Variants in THSD7B observed in about 807,000 individuals in gnomAD.
THSD7B encodes thrombospondin type-1 domain-containing protein 7B.
A neutral mutation model predicts 213.6 loss-of-function variants in THSD7B; 138 were observed. The ratio of observed to expected loss-of-function variants is 0.65; its 90% CI spans 0.56 to 0.74. The LOEUF (loss-of-function observed/expected upper bound fraction) is 0.74. THSD7B is among the 30% of genes least tolerant of loss of function. The probability of loss-of-function intolerance (pLI) is 0.00; values close to 1 mark genes in which losing one functional copy is unlikely to be tolerated. For synonymous variants in THSD7B, 742 were observed against 687.0 expected, an observed-to-expected ratio of 1.08 and a Z score of -1.25; for missense variants, 1,931 against 1,991.5, an observed-to-expected ratio of 0.97 and a Z score of 0.58.
intron 6 of THSD7B, among the ~76,000 whole-genome samples, chr2:137,165,237 G>A (rs894693283): frequency 5.3e-5 from 8 of 152,170 alleles, no homozygotes; most frequent in African/African-American, 1.7e-4. Context: ...GGGATGGTAA[G>A]CCCTGATGAT....
chr2:136,769,841 T>C (rs1681473511), intron 1 of THSD7B, among the ~76,000 whole-genome samples: 1 of 152,176 alleles, frequency 6.6e-6, no homozygotes, highest in South Asian at 2.1e-4. Context: ...CCTGCATGAA[T>C]AAAAAAGGCT....
At chr2:137,199,948 G>A (rs1327634449) in intron 7 of THSD7B, among the ~76,000 whole-genome samples, 1 of 152,102 alleles carries the variant, frequency 6.6e-6, no homozygotes, top group Non-Finnish European at 1.5e-5. Flanking sequence ...TTCTAGAGAT[G>A]CAACTGAGAT....
chr2:136,771,566 C>T (rs1681505124), intron 1 of THSD7B, among the ~76,000 whole-genome samples: 1 of 152,156 alleles, frequency 6.6e-6, no homozygotes, highest in Admixed American at 6.5e-5. Context: ...GCTTTCCCTA[C>T]TCCTGTGGTC....
intron 17 of THSD7B, among the ~76,000 whole-genome samples, chr2:137,584,966 T>G (rs1281850847): frequency 6.6e-6 from 1 of 152,186 alleles, no homozygotes; most frequent in African/African-American, 2.4e-5. Flanking sequence ...CGTCTGGTCC[T>G]GGACTTTTTT....
At chr2:137,491,327 A>T (rs1688602078) in intron 15 of THSD7B, among the ~76,000 whole-genome samples, 1 of 152,228 alleles carries the variant, frequency 6.6e-6, no homozygotes, top group Non-Finnish European at 1.5e-5. Flanking sequence ...TTGTGAATTG[A>T]TCATGGAAAA....
chr2:136,820,740 A>G (rs1682552826), intron 1 of THSD7B, among the ~76,000 whole-genome samples: 1 of 152,242 alleles, frequency 6.6e-6, no homozygotes, highest in African/African-American at 2.4e-5. Flanking sequence ...TTTAATAATC[A>G]TACTATGATT....
intron 15 of THSD7B, among the ~76,000 whole-genome samples, chr2:137,521,273 T>TAAAAC (rs1414207740): frequency 6.6e-6 from 1 of 152,124 alleles, no homozygotes; most frequent in Admixed American, 6.6e-5. Flanking sequence ...TTCTTAAAAA[T>TAAAAC]AAAACAAAAC....
At chr2:137,145,741 T>C (rs1679684005) in intron 5 of THSD7B, among the ~76,000 whole-genome samples, 1 of 152,116 alleles carries the variant, frequency 6.6e-6, no homozygotes, top group Admixed American at 6.6e-5. Context: ...CTGTAGTTTT[T>C]CATATGTTAT....
intron 7 of THSD7B, among the ~76,000 whole-genome samples, chr2:137,229,564 C>A (rs1244431218): frequency 6.6e-6 from 1 of 152,184 alleles, no homozygotes; most frequent in African/African-American, 2.4e-5. Context: ...TAGCTGTGCA[C>A]TATCTTCTCC....
intron 12 of THSD7B, among the ~76,000 whole-genome samples, chr2:137,347,968 T>G (rs1213068374): frequency 6.7e-6 from 1 of 149,796 alleles, no homozygotes; most frequent in East Asian, 1.9e-4. Context: ...GGCCTCATTT[T>G]CAAAAAAAAA....
intron 3 of THSD7B, among the ~76,000 whole-genome samples, chr2:137,089,298 G>GTGTGTGTATATGTATATATACATATA (rs1687904068): frequency 2.0e-5 from 3 of 148,428 alleles, no homozygotes; most frequent in Admixed American, 1.3e-4. Flanking sequence ...ACATATATAT[G>GTGTGTGTATATGTATATATACATATA]TGTGTGTATA....
chr2:137,242,454 C>G lies in THSD7B; in HGVS notation c.2151-3C>G, dbSNP rs544013202. The G allele has an allele frequency of 7.4e-6, 12 of 1,611,136 alleles. 1 individual carries two copies. The Admixed American group carries it at 1.7e-4, about 22-fold the overall frequency. On this transcript the variant is annotated splice_polypyrimidine_tract_variant and splice_region_variant and intron_variant, in intron 9 of 27. Transcript: ENST00000409968. ...CATTGACATGGTCTTTTCACATTGA[C>G]AGATGTCCAGATTCTACTCGACCTG...
At chr2:136,894,521 A>G (rs947362477) in intron 2 of THSD7B, among the ~76,000 whole-genome samples, 20 of 152,184 alleles carry the variant, frequency 1.3e-4, no homozygotes, top group Non-Finnish European at 7.3e-5. Flanking sequence ...GAGAAGCATG[A>G]TATAAAACCT....
At chr2:136,854,767 C>T (rs1328904242) in intron 1 of THSD7B, among the ~76,000 whole-genome samples, 1 of 151,620 alleles carries the variant, frequency 6.6e-6, no homozygotes, top group Non-Finnish European at 1.5e-5. Context: ...TTTATGATGA[C>T]ATTTTGTGCT....
chr2:137,561,171 T>C lies in THSD7B; in HGVS notation c.3139-2050T>C, dbSNP rs75794682. ...CCAATAGCTTGACATTGCAGATAGC[T>C]ATCCTGCTGCAGGTGCAGACAACTG... is the stretch of plus-strand genomic sequence containing the variant. On this transcript the variant is annotated intron_variant, in intron 15 of 27. Transcript: ENST00000409968. Among the ~76,000 whole-genome samples, 232 of 152,298 alleles carry C rather than the reference T, an allele frequency of 1.5e-3. 1 individual carries two copies. Among genetic ancestry groups the C allele is most frequent in the Middle Eastern group, 6.8e-3 (2 of 294 alleles).
rs146097272 is a variant in THSD7B at position 137,247,124 on chromosome 2, T to A, written c.2266+4552T>A. Reference sequence around the variant, plus strand: ...GAGGTAGTGTTGGAATTAATTATGTTGGCCACTGCTGCCATCATTGTCATT... The same window carrying A: ...GAGGTAGTGTTGGAATTAATTATGTAGGCCACTGCTGCCATCATTGTCATT... On this transcript the variant is annotated intron_variant, in intron 10 of 27. Coordinates refer to ENST00000409968, the MANE Select transcript of THSD7B (RefSeq NM_001316349.2). 5.1e-3 allele frequency among the ~76,000 whole-genome samples: 773 copies of A among 152,310 alleles called. 34 individuals carry two copies. The highest frequency in any genetic ancestry group is 0.048 in the Admixed American group (734 of 15,284).
intron 7 of THSD7B, among the ~76,000 whole-genome samples, chr2:137,218,620 A>G (rs1681300242): frequency 6.6e-6 from 1 of 152,076 alleles, no homozygotes; most frequent in East Asian, 1.9e-4. Flanking sequence ...TACTACATTA[A>G]AGGAAATTAC....
intron 20 of THSD7B, among the ~76,000 whole-genome samples, chr2:137,632,391 A>G (rs968068175): frequency 5.3e-5 from 8 of 152,132 alleles, no homozygotes; most frequent in African/African-American, 1.9e-4. Context: ...ATAGCTGCCA[A>G]TCTTACAGAG....
At chr2:137,605,631 T>C (rs1208499879) in intron 17 of THSD7B, among the ~76,000 whole-genome samples, 2 of 137,146 alleles carry the variant, frequency 1.5e-5, no homozygotes, top group African/African-American at 5.3e-5. Flanking sequence ...TAAAAAAGCA[T>C]ATATTGGCAC....
Sources: gnomAD v4.1 joint callset for allele counts (sites outside exome capture counted in the v4.1 genomes callset) on GRCh38, gnomAD v4.1.1 for gene constraint, MANE v1.5 for transcripts, NCBI Gene and HGNC (gene_info 2026-07-23, HGNC 2026-07-21) for gene names.